Variants in UBE2E2 observed in about 807,000 individuals in gnomAD.
UBE2E2 encodes the protein ubiquitin conjugating enzyme E2 E2.
Under a neutral mutation model 24.7 loss-of-function variants are expected in UBE2E2, and 6 were observed. The ratio of observed to expected loss-of-function variants is 0.24; its 90% CI spans 0.13 to 0.48. UBE2E2 has a LOEUF of 0.48. UBE2E2 is among the 20% of genes least tolerant of loss of function. The probability of loss-of-function intolerance (pLI) is 0.99; values close to 1 mark genes in which losing one functional copy is unlikely to be tolerated. For missense variants in UBE2E2, 169 were observed against 245.0 expected (o/e 0.69, Z 2.07); for synonymous variants, 104 against 83.6 (o/e 1.24, Z -1.33).
At chr3:23,440,234 A>G (rs1698275179) in intron 3 of UBE2E2, among the ~76,000 whole-genome samples, 1 of 152,144 alleles carries the variant, frequency 6.6e-6, no homozygotes, top group Non-Finnish European at 1.5e-5. Context: ...AGATCACGCC[A>G]CTGCACTCTA....
At chr3:23,226,963 C>G (rs1696843339) in intron 3 of UBE2E2, among the ~76,000 whole-genome samples, 1 of 141,074 alleles carries the variant, frequency 7.1e-6, no homozygotes, top group African/African-American at 2.6e-5. Context: ...GATGTGATAC[C>G]ATGAAGACCA....
At chr3:23,391,670 G>T (rs1327673735) in intron 3 of UBE2E2, among the ~76,000 whole-genome samples, 2 of 152,076 alleles carry the variant, frequency 1.3e-5, no homozygotes, top group Non-Finnish European at 2.9e-5. Flanking sequence ...GAGAGATACT[G>T]CATTAACCGC....
intron 2 of UBE2E2, among the ~76,000 whole-genome samples, chr3:23,215,940 A>T (rs981200202): frequency 3.3e-4 from 50 of 152,176 alleles, no homozygotes; most frequent in Non-Finnish European, 1.5e-5. Flanking sequence ...GGCAATATGT[A>T]CTTTGTATGC....
At chr3:23,456,833 G>A (rs1289878520) in intron 3 of UBE2E2, among the ~76,000 whole-genome samples, 1 of 152,196 alleles carries the variant, frequency 6.6e-6, no homozygotes, top group East Asian at 1.9e-4. Context: ...CCTAACAAGA[G>A]GGTCAGCCTG....
chr3:23,457,999 G>C (rs1488803392), intron 3 of UBE2E2, among the ~76,000 whole-genome samples: 1 of 152,116 alleles, frequency 6.6e-6, no homozygotes, highest in Non-Finnish European at 1.5e-5. Context: ...TGTGTTCACT[G>C]AAGTAGCACT....
chr3:23,418,002 G>A (rs1483790013), intron 3 of UBE2E2, among the ~76,000 whole-genome samples: 1 of 152,148 alleles, frequency 6.6e-6, no homozygotes, highest in Non-Finnish European at 1.5e-5. Flanking sequence ...GCTCCGTGGG[G>A]GTGGGATCCG....
intron 3 of UBE2E2, among the ~76,000 whole-genome samples, chr3:23,318,964 C>G (rs1472752720): frequency 5.3e-5 from 8 of 152,156 alleles, no homozygotes; most frequent in African/African-American, 1.9e-4. Flanking sequence ...AAGATTGCAT[C>G]TTTTCCAGTG....
chr3:23,402,488 T>C (rs1697250810), intron 3 of UBE2E2, among the ~76,000 whole-genome samples: 1 of 152,232 alleles, frequency 6.6e-6, no homozygotes, highest in African/African-American at 2.4e-5. Context: ...TCAGGGTTGA[T>C]TAAAGTTTAG....
intron 3 of UBE2E2, among the ~76,000 whole-genome samples, chr3:23,271,608 T>C (rs1384363703): frequency 2.0e-5 from 3 of 152,144 alleles, no homozygotes; most frequent in Non-Finnish European, 4.4e-5. Context: ...GACAGGGTGT[T>C]GATTGGTGCG....
intron 3 of UBE2E2, among the ~76,000 whole-genome samples, chr3:23,372,328 T>G (rs1028971916): frequency 3.9e-5 from 6 of 152,294 alleles, no homozygotes. Flanking sequence ...TTAATGTTAC[T>G]TTAAAAATAT....
At chr3:23,463,367 C>T (rs766434645) in intron 3 of UBE2E2, among the ~76,000 whole-genome samples, 1 of 152,032 alleles carries the variant, frequency 6.6e-6, no homozygotes, top group Non-Finnish European at 1.5e-5. Flanking sequence ...GAATCTGGGC[C>T]GGTAACCTGA....
At chr3:23,554,292 C>T (rs1011970757) in intron 5 of UBE2E2, among the ~76,000 whole-genome samples, 1 of 152,092 alleles carries the variant, frequency 6.6e-6, no homozygotes, top group South Asian at 2.1e-4. Flanking sequence ...CAAGAAGACA[C>T]AATGGGGAGA....
intron 3 of UBE2E2, among the ~76,000 whole-genome samples, chr3:23,419,616 C>T (rs1438680832): frequency 6.6e-6 from 1 of 152,144 alleles, no homozygotes; most frequent in Non-Finnish European, 1.5e-5. Flanking sequence ...AGATTATTTC[C>T]ACTTGCCTGC....
At chr3:23,472,559 C>T (rs1699051776) in intron 3 of UBE2E2, among the ~76,000 whole-genome samples, 1 of 152,042 alleles carries the variant, frequency 6.6e-6, no homozygotes. Flanking sequence ...ACAGTTATTC[C>T]AGATATCTTT....
At chr3:23,367,432 A>C (rs1696288261) in intron 3 of UBE2E2, among the ~76,000 whole-genome samples, 3 of 152,156 alleles carry the variant, frequency 2.0e-5, no homozygotes, top group Admixed American at 2.0e-4. Context: ...TTTGATCACC[A>C]ATGGCCAGTG....
chr3:23,515,757 G>A (rs755646274), intron 4 of UBE2E2, among the ~76,000 whole-genome samples: 6 of 148,590 alleles, frequency 4.0e-5, no homozygotes, highest in East Asian at 2.0e-4. Context: ...AGAAGTTCAC[G>A]ACAAGCCTGG....
intron 3 of UBE2E2, among the ~76,000 whole-genome samples, chr3:23,220,276 C>T (rs1039615273): frequency 6.6e-6 from 1 of 152,048 alleles, no homozygotes; most frequent in African/African-American, 2.4e-5. Flanking sequence ...ATATTTGCCT[C>T]TACATATTTC....
At chr3:23,532,355 T>C (rs571344873) in intron 4 of UBE2E2, among the ~76,000 whole-genome samples, 199 bp from the exon 5 acceptor site, 1 of 152,198 alleles carries the variant, frequency 6.6e-6, no homozygotes, top group Non-Finnish European at 1.5e-5. Context: ...TATTTCTCTG[T>C]GCCCAAAATG....
chr3:23,389,312 A>G (rs1282435397), intron 3 of UBE2E2, among the ~76,000 whole-genome samples: 8 of 152,142 alleles, frequency 5.3e-5, no homozygotes, highest in Non-Finnish European at 1.2e-4. Flanking sequence ...CCTTATTGTC[A>G]TGGATCTCTT....
Sources: gnomAD v4.1 joint callset for allele counts (sites outside exome capture counted in the v4.1 genomes callset) on GRCh38, gnomAD v4.1.1 for gene constraint, MANE v1.5 for transcripts, NCBI Gene and HGNC (gene_info 2026-07-23, HGNC 2026-07-21) for gene names.